DLGAP2: variants seen among roughly 807,000 people sequenced by gnomAD.
The protein encoded by DLGAP2 is disks large-associated protein 2.
DLGAP2 carries 26 observed loss-of-function variants against 100.3 expected under a neutral mutation model. The ratio of observed to expected loss-of-function variants is 0.26; its 90% confidence interval spans 0.19 to 0.36. The LOEUF is 0.36. Among genes scored for constraint, DLGAP2 ranks in the 10% least tolerant of loss-of-function variants. DLGAP2 has a pLI of 1.00. For synonymous variants in DLGAP2, 886 were observed against 630.1 expected, an observed-to-expected ratio of 1.41 and a Z score of -6.08; for missense variants, 1,858 against 1,453.2, an observed-to-expected ratio of 1.28 and a Z score of -4.53.
At chr8:998,597 C>T (rs969944762) in intron 2 of DLGAP2, among the ~76,000 whole-genome samples, 3 of 152,136 alleles carry the variant, frequency 2.0e-5, no homozygotes, top group African/African-American at 4.8e-5. Context: ...GCCACCATGC[C>T]TGACCTCATC....
At chr8:989,186 G>A (rs918616822) in intron 2 of DLGAP2, among the ~76,000 whole-genome samples, 1 of 152,230 alleles carries the variant, frequency 6.6e-6, no homozygotes, top group South Asian at 2.1e-4. Flanking sequence ...AGAGCACTTG[G>A]GGGGCTCTCC....
rs558493680 is a variant in DLGAP2, at chr8:1,191,698, CAACT to C, written c.74-67148_74-67145del. Among the ~76,000 whole-genome samples, 1,022 of 152,278 alleles carry C rather than the reference CAACT, an allele frequency of 6.7e-3. 8 individuals are homozygous for C. Among genetic ancestry groups the C allele is most frequent in the African/African-American group, 0.023 (972 of 41,556 alleles). On this transcript the variant is annotated intron_variant, in intron 2 of 14. Coordinates refer to ENST00000637795, the MANE Select transcript of DLGAP2 (RefSeq NM_001346810.2). Reference sequence around the variant, plus strand: ...ATCAAGAAGGAACTTGAGCTCATTGCAACTAACTCTTTAATTTCCACCTCTGATC... The same window carrying C: ...ATCAAGAAGGAACTTGAGCTCATTGCAACTCTTTAATTTCCACCTCTGATC...
At chr8:1,518,932 C>T (rs1465533297) in intron 4 of DLGAP2, among the ~76,000 whole-genome samples, 1 of 152,296 alleles carries the variant, frequency 6.6e-6, no homozygotes, top group Non-Finnish European at 1.5e-5. Flanking sequence ...CTCTGCGTGG[C>T]TAAGATGAGA....
intron 5 of DLGAP2, among the ~76,000 whole-genome samples, chr8:1,550,467 A>G (rs1028168836): frequency 6.6e-6 from 1 of 152,080 alleles, no homozygotes; most frequent in African/African-American, 2.4e-5. Flanking sequence ...TTTAACAACC[A>G]CAGCAAACAC....
chr8:805,135 C>T (rs904349914), intron 1 of DLGAP2, among the ~76,000 whole-genome samples: 4 of 152,184 alleles, frequency 2.6e-5, no homozygotes, highest in African/African-American at 9.7e-5. Context: ...GATTTGCCCC[C>T]TAGGCAAACT....
At chr8:1,407,352 G>A (rs1796591632) in intron 3 of DLGAP2, among the ~76,000 whole-genome samples, 1 of 80,630 alleles carries the variant, frequency 1.2e-5, no homozygotes, top group African/African-American at 5.2e-5. Flanking sequence ...CGTGTATTGA[G>A]AACTTACTGA....
At chr8:1,129,289 G>A (rs1014986354) in intron 2 of DLGAP2, among the ~76,000 whole-genome samples, 2 of 151,872 alleles carry the variant, frequency 1.3e-5, no homozygotes, top group African/African-American at 4.8e-5. Flanking sequence ...TGTGTTCCCA[G>A]CTGCTCGGGA....
At chr8:1,439,702 C>A (rs1363581500) in intron 3 of DLGAP2, among the ~76,000 whole-genome samples, 4 of 152,154 alleles carry the variant, frequency 2.6e-5, no homozygotes, top group African/African-American at 9.7e-5. Flanking sequence ...TCCTGCTCAC[C>A]TTCTTCCCGC....
intron 2 of DLGAP2, among the ~76,000 whole-genome samples, chr8:1,149,270 C>T (rs924650562): frequency 2.6e-5 from 4 of 152,204 alleles, no homozygotes; most frequent in Admixed American, 2.0e-4. Flanking sequence ...CTCAGCCTCC[C>T]GAGTAGTTGG....
At chr8:1,700,708 G>A (rs1394167702) in intron 14 of DLGAP2, among the ~76,000 whole-genome samples, 1 of 152,108 alleles carries the variant, frequency 6.6e-6, no homozygotes, top group Non-Finnish European at 1.5e-5. Context: ...GTGTTTCCCC[G>A]CACACCCATT....
At chr8:1,445,330 A>G (rs1404296534) in intron 3 of DLGAP2, among the ~76,000 whole-genome samples, 1 of 146,036 alleles carries the variant, frequency 6.8e-6, no homozygotes, top group Non-Finnish European at 1.5e-5. Context: ...ATGAGTGAGA[A>G]CATGCAGTGT....
chr8:895,272 G>C (rs1311461144), intron 1 of DLGAP2, among the ~76,000 whole-genome samples: 2 of 152,042 alleles, frequency 1.3e-5, no homozygotes, highest in Admixed American at 6.5e-5. Context: ...CATCATATCG[G>C]ACTCCATAAG....
chr8:1,288,173 G>A (rs1451966056), intron 3 of DLGAP2, among the ~76,000 whole-genome samples: 1 of 137,548 alleles, frequency 7.3e-6, no homozygotes, highest in Non-Finnish European at 1.5e-5. Context: ...TGTTAGGAGG[G>A]GAACTAGTTT....
At chr8:1,504,801 G>A (rs4876073) in intron 4 of DLGAP2, among the ~76,000 whole-genome samples, 79,785 of 151,980 alleles carry the variant, frequency 0.52, 22,295 homozygotes, top group Admixed American at 0.63. Flanking sequence ...TTGGTTCTGC[G>A]TGTTGGCTGT....
intron 2 of DLGAP2, among the ~76,000 whole-genome samples, chr8:1,029,106 G>A (rs1801900011): frequency 6.6e-6 from 1 of 152,218 alleles, no homozygotes; most frequent in Non-Finnish European, 1.5e-5. Context: ...TGCAGGTGCA[G>A]GGGGAGGAGA....
At chr8:1,223,644 T>C (rs1006618023) in intron 2 of DLGAP2, among the ~76,000 whole-genome samples, 4 of 152,250 alleles carry the variant, frequency 2.6e-5, no homozygotes, top group African/African-American at 9.6e-5. Flanking sequence ...CGCACTGATT[T>C]GTGTTCCCAC....
chr8:1,508,143 C>G (rs1799998841), intron 4 of DLGAP2, among the ~76,000 whole-genome samples: 1 of 151,854 alleles, frequency 6.6e-6, no homozygotes, highest in South Asian at 2.1e-4. Flanking sequence ...ACACATCTAA[C>G]ATTTGTGGAA....
chr8:1,408,494 G>T (rs1796639261), intron 3 of DLGAP2, among the ~76,000 whole-genome samples: 1 of 152,178 alleles, frequency 6.6e-6, no homozygotes, highest in African/African-American at 2.4e-5. Context: ...CCCTGCAGAG[G>T]GACCTTCTCT....
intron 4 of DLGAP2, among the ~76,000 whole-genome samples, chr8:1,531,241 C>CATGTGT (rs1554491962): frequency 1.4e-5 from 2 of 143,232 alleles, no homozygotes; most frequent in Admixed American, 7.0e-5. Context: ...AGAGCGTGTG[C>CATGTGT]GTGTGTGTGT....
Sources: allele counts gnomAD v4.1 joint callset (sites outside exome capture counted in the v4.1 genomes callset), GRCh38; gene constraint gnomAD v4.1.1; transcripts MANE v1.5; gene names NCBI Gene and HGNC (gene_info 2026-07-23, HGNC 2026-07-21).